The following STX2 variants were observed in gnomAD, a reference collection of about 807,000 sequenced individuals.
STX2 encodes syntaxin 2.
A neutral mutation model predicts 40.6 loss-of-function variants in STX2; 27 were observed. The observed-to-expected ratio is 0.66, with a 90% confidence interval of 0.49 to 0.92. The LOEUF is 0.92. Among genes scored for constraint, STX2 ranks in the 40% least tolerant of loss-of-function variants. The pLI is 0.00. For synonymous variants in STX2, 123 were observed against 119.1 expected, an observed-to-expected ratio of 1.03 and a Z score of -0.22; for missense variants, 328 against 366.1, an observed-to-expected ratio of 0.90 and a Z score of 0.85.
intron 1 of STX2, among the ~76,000 whole-genome samples, chr12:130,830,793 G>C (rs1171281185): frequency 6.6e-6 from 1 of 152,188 alleles, no homozygotes. Flanking sequence ...GGCTGAGATA[G>C]TGCAACAGCT....
chr12:130,835,888 T>C (rs1435594425), intron 1 of STX2, among the ~76,000 whole-genome samples: 3 of 152,258 alleles, frequency 2.0e-5, no homozygotes, highest in Admixed American at 1.3e-4. Context: ...ACAGATTGTA[T>C]TGAGCAGATT....
intron 8 of STX2, 96 bp downstream of exon 8, chr12:130,801,057 A>G: frequency 7.2e-7 from 1 of 1,389,098 alleles, no homozygotes; most frequent in Non-Finnish European, 9.6e-7. Flanking sequence ...CCAAAATAAC[A>G]GCTTTCCTAG....
At chr12:130,819,294 G>A (rs1952021626) in intron 3 of STX2, among the ~76,000 whole-genome samples, 1 of 152,224 alleles carries the variant, frequency 6.6e-6, no homozygotes, top group Non-Finnish European at 1.5e-5. Flanking sequence ...GGGAGGCGGA[G>A]CACAGTAGTC....
intron 1 of STX2, among the ~76,000 whole-genome samples, chr12:130,837,828 G>A (rs1471454167): frequency 1.3e-5 from 2 of 152,200 alleles, no homozygotes; most frequent in Non-Finnish European, 2.9e-5. Context: ...ATATTGATCT[G>A]CGGAACACAG....
chr12:130,834,306 G>A (rs1952681782), intron 1 of STX2, among the ~76,000 whole-genome samples: 1 of 145,164 alleles, frequency 6.9e-6, no homozygotes, highest in Non-Finnish European at 1.5e-5. Context: ...GCAGTGAACT[G>A]AGATTGCACC....
chr12:130,832,070 C>A (rs1411132035), intron 1 of STX2, among the ~76,000 whole-genome samples: 1 of 152,082 alleles, frequency 6.6e-6, no homozygotes, highest in Non-Finnish European at 1.5e-5. Context: ...TGGCCTTGAA[C>A]TTCTTGGCCC....
chr12:130,794,821 GC>G (rs1471500648), intron 10 of STX2, among the ~76,000 whole-genome samples: 1 of 152,210 alleles, frequency 6.6e-6, no homozygotes, highest in East Asian at 1.9e-4. Flanking sequence ...TATCAAGTCT[GC>G]AGTCACTTCC....
rs577500089 is a variant in STX2, at chr12:130,821,535, G to A, written c.205+154C>T. On this transcript the variant is annotated intron_variant, in intron 3 of 10. Transcript: ENST00000392373. ...AAAAAACATACAGATGCCCTGGCTC[G>A]CCCCAGGCCAAACGCCTCAGACTCT... Among the ~76,000 whole-genome samples, 65 of 151,436 alleles carry A rather than the reference G, an allele frequency of 4.3e-4. 2 individuals carry two copies. The South Asian group carries it at 0.013, about 29-fold the overall frequency.
At chr12:130,822,093 A>T (rs75544849) in intron 2 of STX2, among the ~76,000 whole-genome samples, 2,191 of 152,290 alleles carry the variant, frequency 0.014, 61 homozygotes, top group African/African-American at 0.05. Context: ...TACTACTACT[A>T]ATACCCATTC....
chr12:130,801,379 G>A, intron 7 of STX2, 36 bp downstream of exon 7: 26 of 1,597,038 alleles, frequency 1.6e-5, no homozygotes, highest in Non-Finnish European at 2.1e-5. Context: ...GTCTACAGAA[G>A]AGGACATGGA....
At chr12:130,838,160 G>C (rs1952806032) in intron 1 of STX2, among the ~76,000 whole-genome samples, 1 of 152,144 alleles carries the variant, frequency 6.6e-6, no homozygotes, top group African/African-American at 2.4e-5. Flanking sequence ...CTCTATCTGT[G>C]CACACACGTA....
At chr12:130,810,611 C>A (rs1951612767) in intron 4 of STX2, 1 of 152,322 alleles carries the variant, frequency 6.6e-6, no homozygotes, top group Non-Finnish European at 1.5e-5. Flanking sequence ...GAGGGGCCTA[C>A]CAAAAGGACT....
intron 1 of STX2, among the ~76,000 whole-genome samples, chr12:130,833,819 C>T (rs1449896264): frequency 6.6e-6 from 1 of 152,210 alleles, no homozygotes; most frequent in Non-Finnish European, 1.5e-5. Flanking sequence ...CTACATTTTT[C>T]TTACCATGGG....
chr12:130,798,856 GA>G (rs1426436186), intron 8 of STX2, among the ~76,000 whole-genome samples: 3 of 152,188 alleles, frequency 2.0e-5, no homozygotes, highest in African/African-American at 7.2e-5. Context: ...GAATGAAAAG[GA>G]ATGGGCCACC....
At position 130,803,093 on chromosome 12, in the gene STX2, T is replaced by G. The variant is rs1339778836; in HGVS notation, c.464-1605A>C. 2.0e-5 allele frequency among the ~76,000 whole-genome samples: 3 copies of G among 152,276 alleles called. No individual in the cohort carries two copies. The East Asian group carries it at 5.8e-4, about 29-fold the overall frequency. On this transcript the variant is annotated intron_variant, in intron 6 of 10. Coordinates refer to ENST00000392373, the MANE Select transcript of STX2 (RefSeq NM_194356.4). ...AATATCATTCACATATTAAGAGATT[T>G]ACTTCTCAATAAAGTTGTTGAGATG...
chr12:130,802,087 A>G (rs1006230982), intron 6 of STX2, among the ~76,000 whole-genome samples: 12 of 152,372 alleles, frequency 7.9e-5, no homozygotes, highest in Non-Finnish European at 1.3e-4. Flanking sequence ...ATAATTGCCA[A>G]AAAGTGGAAA....
At position 130,796,867 on chromosome 12, in the gene STX2, G is replaced by GA. The variant is rs1279135953; in HGVS notation, c.787-748dup. On this transcript the variant is annotated intron_variant, in intron 9 of 10. Coordinates refer to ENST00000392373, the MANE Select transcript of STX2 (RefSeq NM_194356.4). ...TTCACTGCTCCTGACATAGCACACA[G>GA]AAAAAAAAAACCCTTCTACAAACGT... Among the ~76,000 whole-genome samples the GA allele has an allele frequency of 4.7e-3, 705 of 148,826 alleles. 10 individuals carry two copies. The highest frequency in any genetic ancestry group is 0.021 in the Middle Eastern group (6 of 288).
intron 3 of STX2, among the ~76,000 whole-genome samples, chr12:130,814,666 T>C (rs1311723390): frequency 2.2e-5 from 3 of 138,908 alleles, no homozygotes; most frequent in Admixed American, 7.6e-5. Context: ...GACAGAGTCT[T>C]GCTCTTGTCA....
chr12:130,825,292 C>G (rs1952261026), intron 2 of STX2, among the ~76,000 whole-genome samples: 1 of 152,200 alleles, frequency 6.6e-6, no homozygotes, highest in African/African-American at 2.4e-5. Flanking sequence ...CCACCTCGGA[C>G]TCCCAAAGTG....
Sources: allele counts gnomAD v4.1 joint callset (sites outside exome capture counted in the v4.1 genomes callset), GRCh38; gene constraint gnomAD v4.1.1; transcripts MANE v1.5; gene names NCBI Gene and HGNC (gene_info 2026-07-23, HGNC 2026-07-21).